DROSHA: variants seen among roughly 807,000 people sequenced by gnomAD.
DROSHA encodes drosha ribonuclease III.
A neutral mutation model predicts 181.9 loss-of-function variants in DROSHA; 56 were observed. That is an observed-to-expected ratio of 0.31 (90% CI 0.25 to 0.38). The LOEUF is 0.38. Ranked by LOEUF, DROSHA falls within the 10% of genes least tolerant of loss-of-function variation. The pLI is 1.00. For missense variants in DROSHA, 1,218 were observed against 1,743.5 expected (o/e 0.70, Z 5.37); for synonymous variants, 524 against 591.2 (o/e 0.89, Z 1.65).
At chr5:31,483,430 C>G in intron 16 of DROSHA, 124 bp downstream of exon 16, 1 of 905,254 alleles carries the variant, frequency 1.1e-6, no homozygotes, top group Non-Finnish European at 1.7e-6. Flanking sequence ...CGTGCCTAAC[C>G]TGAGAAGTAG....
At chr5:31,441,783 T>C (rs957199134) in intron 23 of DROSHA, among the ~76,000 whole-genome samples, 4 of 152,142 alleles carry the variant, frequency 2.6e-5, no homozygotes, top group African/African-American at 9.7e-5. Context: ...TTTTAAGAAA[T>C]AAATTCTTTT....
At chr5:31,523,903 A>C (rs1178724675) in intron 5 of DROSHA, among the ~76,000 whole-genome samples, 1 of 144,052 alleles carries the variant, frequency 6.9e-6, no homozygotes, top group African/African-American at 2.6e-5. Context: ...TGAACCCGGG[A>C]GGCAGAGGTT....
chr5:31,400,983 C>T lies in DROSHA; in HGVS notation c.*449G>A, dbSNP rs562484415. On this transcript the variant is annotated 3_prime_UTR_variant, in exon 36 of 36. Coordinates refer to ENST00000344624, the MANE Select transcript of DROSHA (RefSeq NM_001382508.1). ...AGCTGATAACTTGATGAACAGCCAC[C>T]GGATGAAAGCTGAACAATCTACTTA... 3.5e-5 allele frequency: 6 copies of T among 172,952 alleles called. No individual in the cohort carries two copies. In the East Asian group the frequency reaches 5.2e-4, roughly 15 times the overall value. The allele number at this position is 172,952 out of a possible 1,614,324, so 10.7% of individuals were successfully genotyped here.
intron 5 of DROSHA, among the ~76,000 whole-genome samples, chr5:31,525,823 C>T (rs1412377808): frequency 1.3e-5 from 2 of 152,132 alleles, no homozygotes; most frequent in Non-Finnish European, 2.9e-5. Flanking sequence ...CTGTATTATG[C>T]AGAGTAAAAG....
intron 4 of DROSHA, among the ~76,000 whole-genome samples, chr5:31,528,763 A>G (rs1740885623): frequency 6.6e-6 from 1 of 151,940 alleles, no homozygotes; most frequent in African/African-American, 2.4e-5. Flanking sequence ...ATTACAATCC[A>G]CCTTCTAAGG....
chr5:31,517,359 G>A (rs897998222), intron 6 of DROSHA, among the ~76,000 whole-genome samples: 6 of 151,920 alleles, frequency 3.9e-5, no homozygotes, highest in Non-Finnish European at 7.4e-5. Context: ...TCCTGCCTTA[G>A]TATGCTTGGA....
intron 14 of DROSHA, 120 bp downstream of exon 14, chr5:31,486,371 G>GA: frequency 1.1e-6 from 1 of 935,232 alleles, no homozygotes; most frequent in Non-Finnish European, 1.6e-6. Context: ...CAGTGAATAT[G>GA]ATACTTTAGA....
In DROSHA at chr5:31,518,568, A is replaced by G. The variant is rs150558962; in HGVS notation, c.947+2555T>C. ...GGCTGTTAAAATACTGTCAGGTAATAACGGCAACTCTTAGCTCCTAGGGAC... is the reference window on the plus strand; with the variant it reads ...GGCTGTTAAAATACTGTCAGGTAATGACGGCAACTCTTAGCTCCTAGGGAC... On this transcript the variant is annotated intron_variant, in intron 6 of 35. Coordinates refer to ENST00000344624, the MANE Select transcript of DROSHA (RefSeq NM_001382508.1). Among the ~76,000 whole-genome samples, 679 of 152,336 alleles carry G rather than the reference A, an allele frequency of 4.5e-3. 2 individuals are homozygous for G. Among genetic ancestry groups the G allele is most frequent in the Non-Finnish European group, 8.0e-3 (545 of 68,034 alleles).
intron 16 of DROSHA, among the ~76,000 whole-genome samples, chr5:31,473,366 G>A (rs1749972932): frequency 6.6e-6 from 1 of 152,166 alleles, no homozygotes; most frequent in Non-Finnish European, 1.5e-5. Context: ...TGTGAGCTGT[G>A]TTCCTCCATC....
chr5:31,437,035 T>A (rs769296160), intron 24 of DROSHA, among the ~76,000 whole-genome samples: 1 of 152,202 alleles, frequency 6.6e-6, no homozygotes, highest in Admixed American at 6.5e-5. Flanking sequence ...TTTCATCTTG[T>A]AATCTCACTC....
intron 5 of DROSHA, among the ~76,000 whole-genome samples, chr5:31,523,174 T>C (rs1382883): frequency 0.44 from 67,392 of 152,144 alleles, 15,222 homozygotes; most frequent in South Asian, 0.5. Flanking sequence ...AAGCATGCCA[T>C]ATAAGACAGA....
intron 20 of DROSHA, among the ~76,000 whole-genome samples, chr5:31,456,461 G>GACAC (rs1353838252): frequency 3.1e-5 from 2 of 63,876 alleles, no homozygotes; most frequent in Non-Finnish European, 7.4e-5. Context: ...AAGACAACAA[G>GACAC]ATACACACAC....
chr5:31,458,505 T>C (rs1432390404), intron 20 of DROSHA, among the ~76,000 whole-genome samples: 1 of 152,208 alleles, frequency 6.6e-6, no homozygotes, highest in African/African-American at 2.4e-5. Context: ...TTGAATATCA[T>C]TTTGGCAGAC....
At chr5:31,438,126 A>C (rs1421560447) in intron 23 of DROSHA, among the ~76,000 whole-genome samples, 1 of 152,196 alleles carries the variant, frequency 6.6e-6, no homozygotes, top group Non-Finnish European at 1.5e-5. Context: ...GGCTGAAATG[A>C]CCAAGAAGGT....
chr5:31,459,972 A>C (rs1748217883), intron 20 of DROSHA, among the ~76,000 whole-genome samples: 1 of 151,984 alleles, frequency 6.6e-6, no homozygotes, highest in African/African-American at 2.4e-5. Flanking sequence ...TGATGGTGCA[A>C]ATTCTTTGCT....
At chr5:31,433,139 A>C (rs774623759) in intron 25 of DROSHA, among the ~76,000 whole-genome samples, 1 of 152,226 alleles carries the variant, frequency 6.6e-6, no homozygotes, top group Admixed American at 6.5e-5. Context: ...TGTGTGTCTC[A>C]GTATGTATCT....
chr5:31,461,171 C>T (rs1748363037), intron 20 of DROSHA, among the ~76,000 whole-genome samples: 1 of 152,072 alleles, frequency 6.6e-6, no homozygotes, highest in Admixed American at 6.6e-5. Flanking sequence ...CATGATAAAA[C>T]ATTTTATCTG....
intron 18 of DROSHA, 60 bp downstream of exon 18, chr5:31,467,879 C>T: frequency 2.5e-6 from 4 of 1,582,428 alleles, no homozygotes; most frequent in Non-Finnish European, 2.6e-6. Context: ...TATTTCTCTG[C>T]TAATTTGGCT....
chr5:31,439,752 G>A (rs16901165), intron 23 of DROSHA, among the ~76,000 whole-genome samples: 15,422 of 152,098 alleles, frequency 0.1, 840 homozygotes, highest in East Asian at 0.17. Flanking sequence ...AATATGAAAA[G>A]AACCTTAATG....
Sources: allele counts gnomAD v4.1 joint callset (sites outside exome capture counted in the v4.1 genomes callset), GRCh38; gene constraint gnomAD v4.1.1; transcripts MANE v1.5; gene names NCBI Gene and HGNC (gene_info 2026-07-23, HGNC 2026-07-21).